TCOF1: variants seen among roughly 807,000 people sequenced by gnomAD.
TCOF1 encodes treacle ribosome biogenesis factor 1, also known as treacle protein.
In TCOF1, 33 loss-of-function variants were observed where a neutral mutation model predicts 149.0. That is an observed-to-expected ratio of 0.22 (90% CI 0.17 to 0.30). The LOEUF (loss-of-function observed/expected upper bound fraction) is 0.30, where lower values mean the gene tolerates loss of function less well. TCOF1 is among the 10% of genes least tolerant of loss of function. The probability of loss-of-function intolerance (pLI) is 1.00; values close to 1 mark genes in which losing one functional copy is unlikely to be tolerated. For synonymous variants in TCOF1, 789 were observed against 738.8 expected, an observed-to-expected ratio of 1.07 and a Z score of -1.10; for missense variants, 1,728 against 1,840.7, an observed-to-expected ratio of 0.94 and a Z score of 1.12.
chr5:150,393,329 G>A, intron 22 of TCOF1, 43 bp from the exon 23 acceptor site: 7 of 1,612,658 alleles, frequency 4.3e-6, no homozygotes, highest in Non-Finnish European at 5.9e-6. Flanking sequence ...TTATGGCAGT[G>A]GGGTGGGGTG....
intron 6 of TCOF1, among the ~76,000 whole-genome samples, chr5:150,369,841 C>A (rs2150574860): frequency 1.3e-5 from 2 of 152,220 alleles, no homozygotes; most frequent in South Asian, 4.2e-4. Context: ...GCCTGTGAGA[C>A]TAGACAAGCC....
At chr5:150,391,918 T>C (rs1767521627) in intron 20 of TCOF1, 39 bp from the exon 21 acceptor site, 2 of 1,607,122 alleles carry the variant, frequency 1.2e-6, no homozygotes, top group Admixed American at 1.7e-5. Flanking sequence ...TTACTTGCCC[T>C]AATTTTTCCT....
chr5:150,399,329 G>A (rs540674749), intron 26 of TCOF1, among the ~76,000 whole-genome samples: 12 of 152,342 alleles, frequency 7.9e-5, no homozygotes, highest in Non-Finnish European at 8.8e-5. Flanking sequence ...CATGCTTTAG[G>A]GGGTGTGCCC....
chr5:150,379,838 G>A (rs1040090949), intron 17 of TCOF1, 106 bp downstream of exon 17: 22 of 1,380,502 alleles, frequency 1.6e-5, no homozygotes, highest in Admixed American at 7.9e-5. Flanking sequence ...TTGGGAGGCC[G>A]AGGCAGATGT....
chr5:150,379,838 G>T, intron 17 of TCOF1, 106 bp downstream of exon 17: 1 of 1,380,620 alleles, frequency 7.2e-7, no homozygotes. Context: ...TTGGGAGGCC[G>T]AGGCAGATGT....
At chr5:150,372,453 G>T (rs1041289914) in intron 7 of TCOF1, among the ~76,000 whole-genome samples, 1 of 152,236 alleles carries the variant, frequency 6.6e-6, no homozygotes, top group Non-Finnish European at 1.5e-5. Context: ...TAAATGGGCC[G>T]CTGTCCTCGT....
intron 3 of TCOF1, 26 bp downstream of exon 3, chr5:150,364,278 A>G: frequency 6.2e-7 from 1 of 1,613,930 alleles, no homozygotes; most frequent in African/African-American, 1.3e-5. Flanking sequence ...CTTTGGGAAC[A>G]GGCTATGGAA....
intron 23 of TCOF1, 134 bp from the exon 24 acceptor site, chr5:150,396,148 C>T (rs1453044248): frequency 8.7e-5 from 89 of 1,025,714 alleles, no homozygotes; most frequent in Middle Eastern, 3.0e-4. Context: ...GAGTGACCGC[C>T]AAGCCTTGCT....
At chr5:150,361,889 G>A (rs1760191769) in intron 2 of TCOF1, among the ~76,000 whole-genome samples, 1 of 152,216 alleles carries the variant, frequency 6.6e-6, no homozygotes, top group South Asian at 2.1e-4. Flanking sequence ...CCATGCATGG[G>A]CTGGTTATCC....
At position 150,375,930 on chromosome 5, in the gene TCOF1, C is replaced by G. The variant is rs373166300; in HGVS notation, c.1893+21C>G. Reference sequence around the variant, plus strand: ...CTCAGGTGAGGCCTGGGGAAGGAGGCTGCTACATGGCCTGATCTGCCACAC... The same window carrying G: ...CTCAGGTGAGGCCTGGGGAAGGAGGGTGCTACATGGCCTGATCTGCCACAC... On this transcript the variant is annotated intron_variant, in intron 12 of 26. Transcript: ENST00000643257. The G allele has an allele frequency of 6.8e-6, 11 of 1,613,944 alleles. No homozygotes were observed. The African/African-American group carries it at 1.3e-4, about 20-fold the overall frequency.
chr5:150,383,292 G>C, intron 17 of TCOF1: 2 of 788,350 alleles, frequency 2.5e-6, no homozygotes, highest in Non-Finnish European at 4.0e-6. Flanking sequence ...GCACCTCACA[G>C]CTTCCAGAGC....
At chr5:150,392,829 A>C in intron 22 of TCOF1, 39 bp downstream of exon 22, 2 of 1,604,714 alleles carry the variant, frequency 1.2e-6, no homozygotes, top group Non-Finnish European at 1.7e-6. Context: ...CATAGGCCTT[A>C]GGGTGGAGCC....
At chr5:150,383,156 A>G in intron 17 of TCOF1, 1 of 1,535,894 alleles carries the variant, frequency 6.5e-7, no homozygotes, top group Non-Finnish European at 8.7e-7. Flanking sequence ...AGTGAGGAAG[A>G]GCTGCCACTG....
chr5:150,396,583 CAAG>C lies in TCOF1; in HGVS notation c.4099_4101del (p.Lys1367del), dbSNP rs773205979. ...AGCCAGCTGCCAGGACCCCCAGGAG[CAAG>C]AAGAAGAAGAAGCTGGGGGCCGGGG... On this transcript the variant is annotated inframe_deletion, in exon 24 of 27. Transcript: ENST00000643257. The C allele has an allele frequency of 2.3e-4, 366 of 1,569,388 alleles. No homozygotes were observed. The highest frequency in any genetic ancestry group is 8.6e-4 in the South Asian group (74 of 86,402).
At chr5:150,374,463 T>C in intron 8 of TCOF1, 77 bp downstream of exon 8, 1 of 1,548,944 alleles carries the variant, frequency 6.5e-7, no homozygotes, top group South Asian at 1.2e-5. Context: ...TCTCCCACTC[T>C]GGGCCAGAGC....
At chr5:150,387,082 A>G (rs1170165845) in intron 17 of TCOF1, among the ~76,000 whole-genome samples, 1 of 152,366 alleles carries the variant, frequency 6.6e-6, no homozygotes, top group African/African-American at 2.4e-5. Context: ...CTTTGCAGCC[A>G]GTCTCAGACA....
intron 3 of TCOF1, 32 bp downstream of exon 3, chr5:150,364,284 T>C (rs745562523): frequency 1.9e-5 from 30 of 1,613,650 alleles, no homozygotes; most frequent in Non-Finnish European, 2.5e-5. Flanking sequence ...GAACAGGCTA[T>C]GGAATATTGA....
Position 150,369,541 on chromosome 5 carries a change from C to T in TCOF1, c.578C>T (p.Ala193Val), listed in dbSNP as rs530439288. 3.7e-5 allele frequency: 60 copies of T among 1,614,056 alleles called. No individual in the cohort carries two copies. The East Asian group carries it at 6.9e-4, about 19-fold the overall frequency. The change falls in exon 6 of 27, where the codon GCG (alanine) becomes GTG (valine). Residue 193 changes from alanine (A) to valine (V), a missense_variant. Transcript: ENST00000643257. ...GTCCGATCCTCAGGGATGGTGTCAG[C>T]GGGCCAGGCCGACAGCTCCAGCGAG... ...GAAAKPGMVSAGQADSSSEDT... is the reference protein window; with the variant it reads ...GAAAKPGMVSVGQADSSSEDT...
At chr5:150,360,156 C>T (rs1294593708) in intron 1 of TCOF1, among the ~76,000 whole-genome samples, 1 of 152,200 alleles carries the variant, frequency 6.6e-6, no homozygotes, top group South Asian at 2.1e-4. Context: ...CAGATAGCAG[C>T]CTGCAAGGTA....
Sources: gnomAD v4.1 joint callset for allele counts (sites outside exome capture counted in the v4.1 genomes callset) on GRCh38, gnomAD v4.1.1 for gene constraint, MANE v1.5 for transcripts, NCBI Gene and HGNC (gene_info 2026-07-23, HGNC 2026-07-21) for gene names.